DTX1: variants seen among roughly 807,000 people sequenced by gnomAD.
DTX1 encodes E3 ubiquitin-protein ligase DTX1.
A neutral mutation model predicts 57.8 loss-of-function variants in DTX1; 26 were observed. That is an observed-to-expected ratio of 0.45 (90% CI 0.33 to 0.62). The LOEUF is 0.62. DTX1 is among the 20% of genes least tolerant of loss of function. The probability of loss-of-function intolerance (pLI) is 0.02; values close to 1 mark genes in which losing one functional copy is unlikely to be tolerated. For missense variants in DTX1, 704 were observed against 895.3 expected (o/e 0.79, Z 2.73); for synonymous variants, 398 against 394.1 (o/e 1.01, Z -0.12).
chr12:113,089,636 C>A (rs2136065380), intron 3 of DTX1, among the ~76,000 whole-genome samples: 1 of 152,298 alleles, frequency 6.6e-6, no homozygotes, highest in East Asian at 1.9e-4. Flanking sequence ...TTCGTGGGAA[C>A]TCTGCTACCC....
At chr12:113,078,221 A>T (rs1172751425) in intron 3 of DTX1, 116 bp downstream of exon 3, 1 of 845,790 alleles carries the variant, frequency 1.2e-6, no homozygotes, top group Non-Finnish European at 1.5e-6. Flanking sequence ...AATGACGATA[A>T]GTAATATCCA....
intron 2 of DTX1, among the ~76,000 whole-genome samples, chr12:113,060,863 C>T (rs2044659416): frequency 6.6e-6 from 1 of 152,164 alleles, no homozygotes; most frequent in Non-Finnish European, 1.5e-5. Flanking sequence ...TCTGCAGGTT[C>T]AGAGCTAATG....
chr12:113,058,493 A>T (rs780216540), intron 2 of DTX1, 42 bp downstream of exon 2: 1 of 1,563,996 alleles, frequency 6.4e-7, no homozygotes, highest in South Asian at 1.2e-5. Context: ...CCGCCGAGCC[A>T]TCACTACCTT....
At chr12:113,082,901 C>T (rs553299922) in intron 3 of DTX1, among the ~76,000 whole-genome samples, 26 of 152,294 alleles carry the variant, frequency 1.7e-4, no homozygotes, top group Admixed American at 9.8e-4. Flanking sequence ...ACTGGCCTGT[C>T]TCTATGACTT....
At chr12:113,061,947 C>G (rs752727829) in intron 2 of DTX1, among the ~76,000 whole-genome samples, 7 of 151,980 alleles carry the variant, frequency 4.6e-5, no homozygotes, top group Non-Finnish European at 8.8e-5. Context: ...CTCAAGTGAG[C>G]CGCCCGCCTC....
Position 113,093,495 on chromosome 12 carries a change from CGG to C in DTX1, c.1004-41_1004-40del. On this transcript the variant is annotated intron_variant, in intron 4 of 9. Transcript: ENST00000548759. This position sits in a 1 kb window ranked among gnomAD's most constrained non-coding sequence, Gnocchi z 4.2. ...CAGGGCCAGTGGTCGGGGGTTTGGG[CGG>C]GGATGGCGCCCCGCCCTGTGACTGC... The C allele has an allele frequency of 6.7e-7, 1 of 1,493,702 alleles. No individual in the cohort carries two copies. The highest frequency in any genetic ancestry group is 8.9e-7 in the Non-Finnish European group (1 of 1,120,918). 92.5% of individuals were successfully genotyped at this position (1,493,702 alleles called of 1,614,324 possible). A position where few individuals can be genotyped will look rare whatever the true frequency, so the allele number is the denominator to read the frequency against.
intron 3 of DTX1, among the ~76,000 whole-genome samples, chr12:113,090,648 G>A (rs568304226): frequency 1.4e-4 from 22 of 152,276 alleles, no homozygotes; most frequent in African/African-American, 4.3e-4. Context: ...CCATCACACC[G>A]GCGCCTCCTC....
At chr12:113,061,654 C>T (rs1485104643) in intron 2 of DTX1, among the ~76,000 whole-genome samples, 1 of 152,146 alleles carries the variant, frequency 6.6e-6, no homozygotes, top group African/African-American at 2.4e-5. Flanking sequence ...CTAGCACGTG[C>T]TCACCACTGT....
intron 3 of DTX1, among the ~76,000 whole-genome samples, chr12:113,084,544 C>T (rs2044842141): frequency 6.6e-6 from 1 of 152,160 alleles, no homozygotes; most frequent in African/African-American, 2.4e-5. Context: ...CACCACCATG[C>T]CCGGCCAATT....
chr12:113,095,437 A>G, intron 9 of DTX1, 23 bp downstream of exon 9: 8 of 1,613,944 alleles, frequency 5.0e-6, no homozygotes, highest in Non-Finnish European at 5.9e-6. Context: ...CCGTGAGGGC[A>G]TGGGAGATAG....
chr12:113,058,051 C>A lies in DTX1; in HGVS notation c.-142C>A. 5 of 1,357,016 alleles carry A rather than the reference C, an allele frequency of 3.7e-6. No individual in the cohort carries two copies. In the South Asian group the frequency reaches 7.6e-5, roughly 21 times the overall value. 84.1% of individuals were successfully genotyped at this position (1,357,016 alleles called of 1,614,324 possible). On this transcript the variant is annotated 5_prime_UTR_variant, in exon 2 of 10. Transcript: ENST00000548759. ...TCCTTTAACGGAGGTCTCTAGGCCT[C>A]AGAGAGAACCCAGAGTTAGAAAGGA...
intron 3 of DTX1, among the ~76,000 whole-genome samples, chr12:113,087,741 C>T (rs1387634066): frequency 2.6e-5 from 4 of 151,994 alleles, no homozygotes; most frequent in African/African-American, 9.7e-5. Context: ...GTGAGGTATC[C>T]TGAAGGGGGC....
rs116227698 is a variant in DTX1 at position 113,077,380 on chromosome 12, C to G, written c.260-44C>G. The G allele has an allele frequency of 2.1e-3, 3,213 of 1,549,430 alleles. 62 individuals carry two copies. The African/African-American group carries it at 0.039, about 19-fold the overall frequency. ...TGGCCCGCCCTTCCAGCCGCGCAGA[C>G]CAACGCCCGCTGTGCTGACGCCTCC... On this transcript the variant is annotated intron_variant, in intron 2 of 9. Coordinates refer to ENST00000548759, the MANE Select transcript of DTX1 (RefSeq NM_004416.3). The surrounding 1 kb of genome is among the most constrained non-coding windows in gnomAD (Gnocchi z 7.8).
chr12:113,057,995 G>A lies in DTX1; in HGVS notation c.-198G>A, dbSNP rs924711879. ...ATCGGAGAAGGCTCTACAGGGAAGG[G>A]GTCTTTGCAGCCTGGATGGCCATCC... On this transcript the variant is annotated 5_prime_UTR_variant, in exon 2 of 10. Transcript: ENST00000548759. The A allele has an allele frequency of 5.0e-6, 4 of 797,624 alleles. No individual in the cohort carries two copies. Among genetic ancestry groups the A allele is most frequent in the Admixed American group, 3.0e-5 (1 of 33,604 alleles). 49.4% of individuals were successfully genotyped at this position (797,624 alleles called of 1,614,324 possible).
chr12:113,072,850 C>T (rs560869801), intron 2 of DTX1, among the ~76,000 whole-genome samples: 20 of 151,904 alleles, frequency 1.3e-4, no homozygotes, highest in African/African-American at 4.1e-4. Context: ...ATTACAGGCA[C>T]GTACCACCAC....
intron 2 of DTX1, among the ~76,000 whole-genome samples, chr12:113,072,059 G>C (rs1359004418): frequency 3.9e-5 from 6 of 152,184 alleles, no homozygotes; most frequent in Admixed American, 3.9e-4. Flanking sequence ...CCTGGCCTGA[G>C]GGTCCTCCCC....
chr12:113,094,401 T>C (rs1313679112), intron 6 of DTX1, among the ~76,000 whole-genome samples: 1 of 152,090 alleles, frequency 6.6e-6, no homozygotes, highest in East Asian at 1.9e-4. Context: ...TCTTCCTCTG[T>C]GATATATCAG....
intron 3 of DTX1, among the ~76,000 whole-genome samples, chr12:113,084,629 CT>C (rs1320876902): frequency 2.0e-5 from 3 of 152,358 alleles, no homozygotes; most frequent in Non-Finnish European, 4.4e-5. Context: ...AAGTGATCCT[CT>C]CGCCTTGGCC....
In DTX1 at chr12:113,078,217, G is replaced by A. The variant is rs183267714; in HGVS notation, c.941+112G>A. 4,730 of 867,734 alleles carry A rather than the reference G, an allele frequency of 5.5e-3. 35 individuals carry two copies. Among genetic ancestry groups the A allele is most frequent in the Middle Eastern group, 0.012 (24 of 1,956 alleles). The allele number at this position is 867,734 out of a possible 1,614,324, so 53.8% of individuals were successfully genotyped here. ...CAAAGATTACAATAATAATAATGAC[G>A]ATAAGTAATATCCAGCATGCACTAA... On this transcript the variant is annotated intron_variant, in intron 3 of 9. Transcript: ENST00000548759.
Sources: gnomAD v4.1 joint callset for allele counts (sites outside exome capture counted in the v4.1 genomes callset) on GRCh38, gnomAD v4.1.1 for gene constraint, Gnocchi (gnomAD v3.1) non-coding constraint, MANE v1.5 for transcripts, NCBI Gene and HGNC (gene_info 2026-07-23, HGNC 2026-07-21) for gene names.